PHF21B: variants seen among roughly 807,000 people sequenced by gnomAD.
PHF21B encodes the protein PHD finger protein 21B.
Under a neutral mutation model 62.2 loss-of-function variants are expected in PHF21B, and 22 were observed. The ratio of observed to expected loss-of-function variants is 0.35; its 90% CI spans 0.25 to 0.51. The LOEUF is 0.51. Ranked by LOEUF, PHF21B falls within the 20% of genes least tolerant of loss-of-function variation. The pLI, the probability that PHF21B is intolerant of heterozygous loss-of-function variation, is 0.97. For synonymous variants in PHF21B, 341 were observed against 314.7 expected, an observed-to-expected ratio of 1.08 and a Z score of -0.88; for missense variants, 701 against 707.9, an observed-to-expected ratio of 0.99 and a Z score of 0.11.
intron 2 of PHF21B, among the ~76,000 whole-genome samples, chr22:44,996,711 G>A (rs1204539161): frequency 1.3e-5 from 2 of 151,630 alleles, no homozygotes; most frequent in Non-Finnish European, 2.9e-5. Context: ...TACACATGCA[G>A]ACATATACAC....
intron 5 of PHF21B, among the ~76,000 whole-genome samples, chr22:44,901,337 TCTC>T (rs1389091351): frequency 6.6e-6 from 1 of 151,980 alleles, no homozygotes; most frequent in African/African-American, 2.4e-5. Flanking sequence ...CACATCATCT[TCTC>T]CTCCCCGAGT....
intron 2 of PHF21B, among the ~76,000 whole-genome samples, chr22:44,962,577 T>C (rs1247856996): frequency 1.3e-5 from 2 of 152,224 alleles, no homozygotes; most frequent in Non-Finnish European, 2.9e-5. Context: ...TGCACCATGA[T>C]AGAGTCACAA....
intron 2 of PHF21B, among the ~76,000 whole-genome samples, chr22:44,924,033 G>A (rs1211680708): frequency 9.0e-6 from 1 of 110,620 alleles, no homozygotes; most frequent in African/African-American, 3.4e-5. Flanking sequence ...GAAGAAGAAA[G>A]AAGAAAGAGG....
intron 6 of PHF21B, 40 bp downstream of exon 6, chr22:44,895,992 A>G (rs762797017): frequency 3.0e-5 from 48 of 1,612,110 alleles, no homozygotes; most frequent in Non-Finnish European, 4.0e-5. Context: ...CTTTCGGGTC[A>G]GTCCCAGCCC....
At chr22:44,971,159 C>T (rs1421232131) in intron 2 of PHF21B, 1 of 152,154 alleles carries the variant, frequency 6.6e-6, no homozygotes, top group Non-Finnish European at 1.5e-5. Context: ...TTCTAATCCA[C>T]CCACACCCTG....
chr22:44,933,112 TTTC>T (rs1273100475), intron 2 of PHF21B, among the ~76,000 whole-genome samples: 1 of 98,210 alleles, frequency 1.0e-5, no homozygotes, highest in African/African-American at 3.1e-5. Flanking sequence ...GTCTCTTCTA[TTTC>T]TTTTTTTTTT....
intron 5 of PHF21B, 145 bp downstream of exon 5, chr22:44,913,677 T>A (rs1251849320): frequency 1.6e-6 from 2 of 1,214,512 alleles, no homozygotes; most frequent in Non-Finnish European, 2.2e-6. Flanking sequence ...CGAGGCCCCA[T>A]CCTGGTCGCC....
chr22:44,926,641 T>C (rs1201262734), intron 2 of PHF21B, among the ~76,000 whole-genome samples: 1 of 152,214 alleles, frequency 6.6e-6, no homozygotes, highest in Non-Finnish European at 1.5e-5. Flanking sequence ...CCATGTGTGT[T>C]TTCCATGTTG....
intron 2 of PHF21B, among the ~76,000 whole-genome samples, chr22:44,963,664 C>G (rs2072468892): frequency 6.6e-6 from 1 of 152,234 alleles, no homozygotes; most frequent in African/African-American, 2.4e-5. Context: ...CGAGGCCTTC[C>G]CTGGCTGTAC....
chr22:44,905,163 T>G (rs1377808916), intron 5 of PHF21B, among the ~76,000 whole-genome samples: 1 of 152,224 alleles, frequency 6.6e-6, no homozygotes, highest in East Asian at 1.9e-4. Flanking sequence ...ACCGACTCCC[T>G]CCTGCTGAAA....
In PHF21B at chr22:44,916,348, T is replaced by G; in HGVS notation, c.496A>C (p.Ser166Arg). 6.3e-7 allele frequency: 1 copy of G among 1,597,746 alleles called. No individual in the cohort carries two copies. Among genetic ancestry groups the G allele is most frequent in the Non-Finnish European group, 8.5e-7 (1 of 1,176,668 alleles). The change falls in exon 4 of 13, where the codon AGC becomes CGC. Residue 166 changes from serine to arginine, a missense_variant. By Grantham distance (110) the Ser-to-Arg change is moderately radical. Coordinates refer to ENST00000313237, the MANE Select transcript of PHF21B (RefSeq NM_138415.5). ...TCACTGACCACAGACACGGCGGTGC[T>G]GGGGGCCATGGCGGCGGCATTGCTG... ...SPSNAAAMAP[S>R]TAVSVVSDSI...
At position 44,983,747 on chromosome 22, in the gene PHF21B, C is replaced by T. The variant is rs1025012605; in HGVS notation, c.120+24798G>A. Among the ~76,000 whole-genome samples, 6 of 152,288 alleles carry T rather than the reference C, an allele frequency of 3.9e-5. No homozygotes were observed. In the South Asian group the frequency reaches 6.2e-4, roughly 16 times the overall value. ...ACAATCTAACATCACAGACTGTTTA[C>T]AAACTGCTACAGTTTTTACTTCCTG... On this transcript the variant is annotated intron_variant, in intron 2 of 12. Coordinates refer to ENST00000313237, the MANE Select transcript of PHF21B (RefSeq NM_138415.5).
chr22:44,972,935 G>A (rs2072666951), intron 2 of PHF21B, among the ~76,000 whole-genome samples: 1 of 152,154 alleles, frequency 6.6e-6, no homozygotes, highest in Non-Finnish European at 1.5e-5. Flanking sequence ...CAGGCAGGGC[G>A]CTCAGAGATG....
intron 2 of PHF21B, among the ~76,000 whole-genome samples, chr22:44,940,913 G>C (rs114732499): frequency 0.074 from 11,342 of 152,244 alleles, 502 homozygotes; most frequent in South Asian, 0.11. Flanking sequence ...GGAGGTGAGT[G>C]GGGGGCTGTC....
At chr22:44,926,347 G>A (rs1385168488) in intron 2 of PHF21B, among the ~76,000 whole-genome samples, 1 of 152,262 alleles carries the variant, frequency 6.6e-6, no homozygotes, top group East Asian at 1.9e-4. Flanking sequence ...GGGCCCCGGG[G>A]AGGAGAAATT....
At chr22:44,952,567 T>C (rs142517153) in intron 2 of PHF21B, among the ~76,000 whole-genome samples, 1 of 152,328 alleles carries the variant, frequency 6.6e-6, no homozygotes, top group East Asian at 1.9e-4. Context: ...TTTTGGGCTT[T>C]CAACTGATGG....
intron 2 of PHF21B, among the ~76,000 whole-genome samples, chr22:44,979,336 C>T (rs1215581936): frequency 6.6e-6 from 1 of 152,234 alleles, no homozygotes; most frequent in African/African-American, 2.4e-5. Context: ...AGGGAAAGAG[C>T]AGCCAACACT....
In PHF21B at chr22:45,009,471, C is replaced by G; in HGVS notation, c.54+25G>C. 1 of 1,528,494 alleles carries G rather than the reference C, an allele frequency of 6.5e-7. No homozygotes were observed. The highest frequency in any genetic ancestry group is 1.4e-5 in the African/African-American group (1 of 72,270). The allele number at this position is 1,528,494 out of a possible 1,614,324, so 94.7% of individuals were successfully genotyped here. On this transcript the variant is annotated intron_variant, in intron 1 of 12. Transcript: ENST00000313237. The surrounding 1 kb of genome is among the most constrained non-coding windows in gnomAD (Gnocchi z 5.9). ...TCACCCCGCAACACACTCCCCGGCC[C>G]CGGGCCCGGCCCCCGGCCACCTACC... is the stretch of plus-strand genomic sequence containing the variant.
At chr22:44,914,288 T>C (rs1034899059) in intron 4 of PHF21B, among the ~76,000 whole-genome samples, 200 bp from the exon 5 acceptor site, 2 of 152,106 alleles carry the variant, frequency 1.3e-5, no homozygotes, top group African/African-American at 4.8e-5. Flanking sequence ...TTTTCCACCA[T>C]GGGGAGGGTC....
Sources: gnomAD v4.1 joint callset for allele counts (sites outside exome capture counted in the v4.1 genomes callset) on GRCh38, gnomAD v4.1.1 for gene constraint, Gnocchi (gnomAD v3.1) non-coding constraint, MANE v1.5 for transcripts, NCBI Gene and HGNC (gene_info 2026-07-23, HGNC 2026-07-21) for gene names.